LCP2: variants seen among roughly 807,000 people sequenced by gnomAD.
LCP2 encodes the protein lymphocyte cytosolic protein 2.
In LCP2, 29 loss-of-function variants were observed where a neutral mutation model predicts 74.5. The observed-to-expected ratio is 0.39, with a 90% CI of 0.29 to 0.53. The LOEUF (loss-of-function observed/expected upper bound fraction) is 0.53, where lower values mean the gene tolerates loss of function less well. Among genes scored for constraint, LCP2 ranks in the 20% least tolerant of loss-of-function variants. The probability of loss-of-function intolerance (pLI) is 0.72; values close to 1 mark genes in which losing one functional copy is unlikely to be tolerated. For synonymous variants in LCP2, 228 were observed against 229.5 expected (o/e 0.99, Z 0.06); for missense variants, 604 against 634.6 (o/e 0.95, Z 0.52).
chr5:170,266,315 T>A (rs1761755968), intron 10 of LCP2, among the ~76,000 whole-genome samples: 1 of 152,194 alleles, frequency 6.6e-6, no homozygotes, highest in Non-Finnish European at 1.5e-5. Flanking sequence ...TATAAAGCAT[T>A]TTCTATGTAC....
chr5:170,266,783 T>C lies in LCP2; in HGVS notation c.772+25A>G, dbSNP rs778443819. On this transcript the variant is annotated intron_variant, in intron 10 of 20. Coordinates refer to ENST00000046794, the MANE Select transcript of LCP2 (RefSeq NM_005565.5). ...TTATAACAGCTTATCATTATTACTA[T>C]GCATTAAATGTGAATCATACCCACC... is the stretch of plus-strand genomic sequence containing the variant. 7.0e-6 allele frequency: 11 copies of C among 1,568,068 alleles called. No individual in the cohort carries two copies. The Admixed American group carries it at 1.7e-4, about 24-fold the overall frequency.
At chr5:170,287,846 T>C (rs1488952128) in intron 3 of LCP2, 124 bp downstream of exon 3, 13 of 873,978 alleles carry the variant, frequency 1.5e-5, no homozygotes, top group Non-Finnish European at 2.5e-5. Context: ...CTTGCCCTCA[T>C]CCTTCCTACT....
chr5:170,251,009 A>G, intron 19 of LCP2, 124 bp from the exon 20 acceptor site: 1 of 679,138 alleles, frequency 1.5e-6, no homozygotes, highest in Non-Finnish European at 2.5e-6. Flanking sequence ...CAGCTTCTTG[A>G]GTGCAAAACC....
At chr5:170,253,054 A>G in intron 18 of LCP2, 65 bp downstream of exon 18, 1 of 954,964 alleles carries the variant, frequency 1.0e-6, no homozygotes, top group South Asian at 1.4e-5. Flanking sequence ...ATTCAATGGG[A>G]GTTTCTGGTG....
chr5:170,275,963 G>A (rs767831717), intron 3 of LCP2, 103 bp from the exon 4 acceptor site: 2 of 896,884 alleles, frequency 2.2e-6, no homozygotes, highest in Non-Finnish European at 3.6e-6. Flanking sequence ...GGGGCACCAG[G>A]GCCAACTTTG....
In LCP2 at chr5:170,258,925, C is replaced by T. The variant is rs763398238; in HGVS notation, c.958-47G>A. On this transcript the variant is annotated intron_variant, in intron 14 of 20. Coordinates refer to ENST00000046794, the MANE Select transcript of LCP2 (RefSeq NM_005565.5). The stretch of plus-strand genomic sequence containing the variant: ...AAGATATTAAGCTATCATCAAAATA[C>T]AATTCTTAAAATAAAAACTGCATTT... The T allele has an allele frequency of 1.1e-5, 15 of 1,362,664 alleles. No individual in the cohort carries two copies. The African/African-American group carries it at 1.4e-4, about 13-fold the overall frequency. The allele number at this position is 1,362,664 out of a possible 1,614,324, so 84.4% of individuals were successfully genotyped here.
At chr5:170,266,750 G>A in intron 10 of LCP2, 58 bp downstream of exon 10, 1 of 1,423,556 alleles carries the variant, frequency 7.0e-7, no homozygotes, top group Non-Finnish European at 9.9e-7. Flanking sequence ...ACGTATGCAG[G>A]AAGCACTTTA....
In LCP2 at chr5:170,260,503, G is replaced by A. The variant is rs547690707; in HGVS notation, c.957+604C>T. Among the ~76,000 whole-genome samples, 138 of 152,268 alleles carry A rather than the reference G, an allele frequency of 9.1e-4. 1 individual carries two copies. Among genetic ancestry groups the A allele is most frequent in the African/African-American group, 3.2e-3 (133 of 41,550 alleles). ...CCTTCTGAGCCTCAATTTCCTCTCCGTAAAAGAGAAAAGATGTTTCCTTAT... is the reference window on the plus strand; with the variant it reads ...CCTTCTGAGCCTCAATTTCCTCTCCATAAAAGAGAAAAGATGTTTCCTTAT... On this transcript the variant is annotated intron_variant, in intron 14 of 20. Coordinates refer to ENST00000046794, the MANE Select transcript of LCP2 (RefSeq NM_005565.5).
Position 170,275,856 on chromosome 5 carries a change from G to T in LCP2, c.193C>A (p.Leu65Ile). The T allele has an allele frequency of 1.3e-6, 2 of 1,569,272 alleles. No individual in the cohort carries two copies. The highest frequency in any genetic ancestry group is 1.7e-6 in the Non-Finnish European group (2 of 1,154,562). The change falls in exon 4 of 21, where the codon CTC becomes ATC. Residue 65 changes from leucine (L) to isoleucine (I), a missense_variant. By Grantham distance (5) the Leu-to-Ile change is conservative. Coordinates refer to ENST00000046794, the MANE Select transcript of LCP2 (RefSeq NM_005565.5). ...QKFPKLRVPILSKLSQEINKN... is the reference protein window; with the variant it reads ...QKFPKLRVPIISKLSQEINKN... ...TTGATTTCCTGACTTAACTTACTGA[G>T]AATCCTGCAAGATAAAGAGACAGAT...
At chr5:170,279,839 C>A (rs1364208687) in intron 3 of LCP2, among the ~76,000 whole-genome samples, 1 of 152,084 alleles carries the variant, frequency 6.6e-6, no homozygotes, top group African/African-American at 2.4e-5. Context: ...CCCTTTAATT[C>A]TCCCCACACT....
intron 6 of LCP2, chr5:170,274,013 C>A: frequency 2.3e-6 from 1 of 444,314 alleles, no homozygotes; most frequent in Non-Finnish European, 4.1e-6. Flanking sequence ...TCTGTGTTTG[C>A]AAATGAAGGT....
intron 3 of LCP2, among the ~76,000 whole-genome samples, chr5:170,282,053 T>G (rs1762114657): frequency 6.6e-6 from 1 of 152,174 alleles, no homozygotes. Context: ...GCCTTCATTT[T>G]TTTTCTTTAA....
rs1000574461 is a variant in LCP2 at position 170,246,360 on chromosome 5, T to C, written c.*2337A>G. Reference sequence around the variant, plus strand: ...CCTTTAGCTTATGCTTGAATTTGGCTCAGGTTGAAAGAGAGCTACTAAATT... The same window carrying C: ...CCTTTAGCTTATGCTTGAATTTGGCCCAGGTTGAAAGAGAGCTACTAAATT... On this transcript the variant is annotated 3_prime_UTR_variant, in exon 21 of 21. Transcript: ENST00000046794. 6.8e-6 allele frequency: 2 copies of C among 294,744 alleles called. No individual in the cohort carries two copies. The highest frequency in any genetic ancestry group is 4.3e-5 in the African/African-American group (2 of 46,620). The allele number at this position is 294,744 out of a possible 1,614,324, so 18.3% of individuals were successfully genotyped here.
chr5:170,268,290 T>A (rs1482760555), intron 8 of LCP2, 95 bp downstream of exon 8: 1 of 193,200 alleles, frequency 5.2e-6, no homozygotes, highest in African/African-American at 2.4e-5. Flanking sequence ...AAAATTAGAA[T>A]GAGATAAAGA....
chr5:170,295,947 G>A (rs1035355419), intron 1 of LCP2, among the ~76,000 whole-genome samples: 9 of 152,152 alleles, frequency 5.9e-5, no homozygotes, highest in Non-Finnish European at 1.2e-4. Flanking sequence ...TCCCTGACCC[G>A]TGGTCCATCT....
intron 3 of LCP2, among the ~76,000 whole-genome samples, chr5:170,278,946 G>A (rs189823017): frequency 7.4e-4 from 112 of 152,294 alleles, no homozygotes; most frequent in Non-Finnish European, 6.0e-4. Context: ...GCCAGGGTCT[G>A]GTGGACGGTG....
intron 2 of LCP2, among the ~76,000 whole-genome samples, chr5:170,291,336 G>C (rs986119504): frequency 3.3e-5 from 5 of 152,202 alleles, no homozygotes; most frequent in African/African-American, 1.2e-4. Context: ...TTAGTAATTA[G>C]AGCTTAGATC....
At chr5:170,249,883 T>A (rs11958627) in intron 20 of LCP2, among the ~76,000 whole-genome samples, 1,546 of 152,346 alleles carry the variant, frequency 0.01, 35 homozygotes, top group African/African-American at 0.036. Flanking sequence ...TCTGCACTTG[T>A]GTGTTTCCAC....
At chr5:170,268,240 C>G (rs989633159) in intron 8 of LCP2, 145 bp downstream of exon 8, 3 of 164,504 alleles carry the variant, frequency 1.8e-5, no homozygotes, top group Non-Finnish European at 3.9e-5. Context: ...TTGGGTTTGC[C>G]TTTCCCCAGC....
Sources: gnomAD v4.1 joint callset for allele counts (sites outside exome capture counted in the v4.1 genomes callset) on GRCh38, gnomAD v4.1.1 for gene constraint, MANE v1.5 for transcripts, NCBI Gene and HGNC (gene_info 2026-07-23, HGNC 2026-07-21) for gene names.